The following TEX2 variants were observed in gnomAD, a reference collection of about 807,000 sequenced individuals.
TEX2 encodes the protein testis expressed 2.
A neutral mutation model predicts 106.9 loss-of-function variants in TEX2; 53 were observed. The ratio of observed to expected loss-of-function variants is 0.50; its 90% CI spans 0.40 to 0.62. The LOEUF is 0.62. Ranked by LOEUF, TEX2 falls within the 20% of genes least tolerant of loss-of-function variation. The probability of loss-of-function intolerance (pLI) is 0.00; values close to 1 mark genes in which losing one functional copy is unlikely to be tolerated. For synonymous variants in TEX2, 523 were observed against 534.8 expected (o/e 0.98, Z 0.30); for missense variants, 1,207 against 1,379.0 (o/e 0.88, Z 1.98).
intron 1 of TEX2, among the ~76,000 whole-genome samples, chr17:64,259,720 C>T (rs2034254737): frequency 6.6e-6 from 1 of 152,210 alleles, no homozygotes. Context: ...GACAGCATGA[C>T]CTGTTATTGG....
chr17:64,186,833 AAG>A (rs1555627954), intron 5 of TEX2, among the ~76,000 whole-genome samples: 1 of 152,128 alleles, frequency 6.6e-6, no homozygotes, highest in Non-Finnish European at 1.5e-5. Flanking sequence ...CTCAAAAAAA[AAG>A]AGGTCAAACA....
intron 11 of TEX2, 81 bp from the exon 12 acceptor site, chr17:64,149,172 G>A (rs1598108328): frequency 1.4e-6 from 2 of 1,468,104 alleles, no homozygotes; most frequent in East Asian, 4.7e-5. Flanking sequence ...ATAATTTTAG[G>A]GCTTAGACTG....
intron 1 of TEX2, among the ~76,000 whole-genome samples, chr17:64,244,047 T>A (rs141807499): frequency 1.2e-4 from 18 of 152,212 alleles, no homozygotes; most frequent in Non-Finnish European, 1.0e-4. Flanking sequence ...GACCTCGTGA[T>A]CCGCCCGCCT....
At chr17:64,224,074 T>G (rs1169117750) in intron 1 of TEX2, among the ~76,000 whole-genome samples, 3 of 152,250 alleles carry the variant, frequency 2.0e-5, no homozygotes, top group African/African-American at 7.2e-5. Context: ...TTGCTACCTC[T>G]GAACAAGCTT....
chr17:64,188,260 C>A lies in TEX2; in HGVS notation c.2332G>T (p.Val778Leu), dbSNP rs527473632. The A allele has an allele frequency of 1.9e-6, 3 of 1,614,006 alleles. No homozygotes were observed. Among genetic ancestry groups the A allele is most frequent in the Non-Finnish European group, 2.5e-6 (3 of 1,180,052 alleles). The change falls in exon 5 of 12, where the codon GTG (valine) becomes TTG (leucine). Residue 778 changes from valine to leucine, a missense_variant. Physicochemically the swap from Val to Leu is conservative, Grantham distance 32. This residue lies in a region of TEX2 where 1,067 missense variants were observed against 1,193.6 expected (regional missense o/e 0.89). Coordinates refer to ENST00000584379, the MANE Select transcript of TEX2 (RefSeq NM_001288732.2). ...TGGGGGACACACCTGCCCATGTACA[C>A]GCTGTAGTCGAGAAGCATCTTCTGC... ...VRQKMLLDYS[V>L]YMGRCVPQES... is the part of the protein sequence containing the mutation.
intron 2 of TEX2, among the ~76,000 whole-genome samples, chr17:64,206,141 C>T (rs948875885): frequency 2.6e-5 from 4 of 152,160 alleles, no homozygotes; most frequent in Non-Finnish European, 4.4e-5. Flanking sequence ...ACTCTAAATG[C>T]CCCATTTTCC....
At chr17:64,150,334 C>T (rs888027081) in intron 11 of TEX2, 2 of 152,314 alleles carry the variant, frequency 1.3e-5, no homozygotes, top group Non-Finnish European at 2.9e-5. Flanking sequence ...TCCCAGACTA[C>T]ACTAGAAGCT....
At chr17:64,254,788 T>G (rs1292736294) in intron 1 of TEX2, among the ~76,000 whole-genome samples, 1 of 152,228 alleles carries the variant, frequency 6.6e-6, no homozygotes, top group African/African-American at 2.4e-5. Context: ...TTGCTAAGAA[T>G]GTTTGAAAAT....
intron 2 of TEX2, among the ~76,000 whole-genome samples, chr17:64,211,432 T>TCTAAAAAC (rs1270554689): frequency 6.6e-6 from 1 of 152,112 alleles, no homozygotes; most frequent in Non-Finnish European, 1.5e-5. Context: ...CCACCTTATC[T>TCTAAAAAC]CTAAAAACAT....
At chr17:64,197,067 T>G (rs2032498046) in intron 2 of TEX2, among the ~76,000 whole-genome samples, 1 of 144,824 alleles carries the variant, frequency 6.9e-6, no homozygotes, top group Non-Finnish European at 1.5e-5. Flanking sequence ...CCCTCTAAGT[T>G]CATGAAGGAA....
rs782590929 is a variant in TEX2, at chr17:64,213,657, G to A, written c.561C>T (p.Pro187=). 2.5e-6 allele frequency: 4 copies of A among 1,614,154 alleles called. No homozygotes were observed. Among genetic ancestry groups the A allele is most frequent in the Non-Finnish European group, 3.4e-6 (4 of 1,180,022 alleles). ...ACAGGGACTTCACAAGGCTCATGAAGGGTTTTGCACTGGAAAGGGTGGAGG... is the reference window on the plus strand; with the variant it reads ...ACAGGGACTTCACAAGGCTCATGAAAGGTTTTGCACTGGAAAGGGTGGAGG... ...ASTSTLSSAK[P]FMSLVKSLST... Residue 187 remains proline (P), a synonymous_variant, in exon 2 of 12, where the codon CCC becomes CCT. Coordinates refer to ENST00000584379, the MANE Select transcript of TEX2 (RefSeq NM_001288732.2). The surrounding 1 kb of genome is among the most constrained non-coding windows in gnomAD (Gnocchi z 4.4).
intron 1 of TEX2, among the ~76,000 whole-genome samples, chr17:64,235,296 C>A (rs2033743010): frequency 6.6e-6 from 1 of 152,244 alleles, no homozygotes; most frequent in South Asian, 2.1e-4. Flanking sequence ...CCAAGGCCAT[C>A]CTCTTAACCA....
chr17:64,182,183 G>A lies in TEX2; in HGVS notation c.2425-4712C>T, dbSNP rs574957897. On this transcript the variant is annotated intron_variant, in intron 5 of 11. Transcript: ENST00000584379. ...CGATTCTGACTTACGCTACCACATG[G>A]ATGAATCTTGAGGTCATTAGGCTAA... Among the ~76,000 whole-genome samples the A allele has an allele frequency of 2.6e-5, 4 of 152,290 alleles. No individual in the cohort carries two copies. The South Asian group carries it at 8.3e-4, about 32-fold the overall frequency.
In TEX2 at chr17:64,147,617, G is replaced by A. The variant is rs972918816; in HGVS notation, c.*1352C>T. On this transcript the variant is annotated 3_prime_UTR_variant, in exon 12 of 12. Coordinates refer to ENST00000584379, the MANE Select transcript of TEX2 (RefSeq NM_001288732.2). ...TAAAGACCAGTGACCAGGACACGTG[G>A]ACTCTGACAGGCAGATCGGCCTACA... 1.3e-5 allele frequency: 2 copies of A among 152,646 alleles called. No homozygotes were observed. The highest frequency in any genetic ancestry group is 2.9e-5 in the Non-Finnish European group (2 of 67,994). 9.5% of individuals were successfully genotyped at this position (152,646 alleles called of 1,614,324 possible). A position where few individuals can be genotyped will look rare whatever the true frequency, so the allele number is the denominator to read the frequency against.
Position 64,213,466 on chromosome 17 carries a change from G to A in TEX2, c.752C>T (p.Thr251Ile), listed in dbSNP as rs2033078447. 2 of 1,614,064 alleles carry A rather than the reference G, an allele frequency of 1.2e-6. No homozygotes were observed. The highest frequency in any genetic ancestry group is 1.7e-6 in the Non-Finnish European group (2 of 1,180,048). ...KLNLHLFKQF[T>I]QPRNTGGDSK... ...ATCTCCACCTGTGTTTCGGGGCTGT[G>A]TGAACTGCTTGAACAGGTGTAAGTT... The change falls in exon 2 of 12, where the codon ACA (threonine) becomes ATA (isoleucine). Residue 251 changes from threonine to isoleucine, a missense_variant. Around this residue, in one of 3 missense-constraint regions of TEX2, gnomAD observed 1,067 missense variants for 1,193.6 expected, o/e 0.89. Coordinates refer to ENST00000584379, the MANE Select transcript of TEX2 (RefSeq NM_001288732.2). This position sits in a 1 kb window ranked among gnomAD's most constrained non-coding sequence, Gnocchi z 4.4.
intron 2 of TEX2, among the ~76,000 whole-genome samples, chr17:64,210,803 G>C (rs1220193286): frequency 6.6e-6 from 1 of 151,778 alleles, no homozygotes; most frequent in African/African-American, 2.4e-5. Context: ...GTTCAAAATT[G>C]CTCCAGGGAA....
In TEX2 at chr17:64,157,365, A is replaced by G. The variant is rs150805001; in HGVS notation, c.2805-2398T>C. 3.5e-3 allele frequency among the ~76,000 whole-genome samples: 540 copies of G among 152,334 alleles called. 5 individuals are homozygous for G. The highest frequency in any genetic ancestry group is 0.012 in the African/African-American group (514 of 41,568). The stretch of plus-strand genomic sequence containing the variant: ...AAAATCTTTTGGAAATGTCAGATAT[A>G]TAAGAAAAAGTGAATTATTTTATCA... On this transcript the variant is annotated intron_variant, in intron 8 of 11. Transcript: ENST00000584379.
chr17:64,184,457 T>C (rs749733013), intron 5 of TEX2, among the ~76,000 whole-genome samples: 2 of 152,198 alleles, frequency 1.3e-5, no homozygotes, highest in Non-Finnish European at 2.9e-5. Flanking sequence ...GAGTCCTTTA[T>C]ACATTTCTAG....
chr17:64,258,609 CA>C (rs2034229879), intron 1 of TEX2, among the ~76,000 whole-genome samples: 1 of 152,324 alleles, frequency 6.6e-6, no homozygotes, highest in Admixed American at 6.5e-5. Context: ...AGCACTATCA[CA>C]AACACCTGAG....
Sources: gnomAD v4.1 joint callset for allele counts (sites outside exome capture counted in the v4.1 genomes callset) on GRCh38, gnomAD v4.1.1 for gene constraint, gnomAD v4.1.1 regional missense constraint, Gnocchi (gnomAD v3.1) non-coding constraint, MANE v1.5 for transcripts, NCBI Gene and HGNC (gene_info 2026-07-23, HGNC 2026-07-21) for gene names.